LMNB1: variants seen among roughly 807,000 people sequenced by gnomAD.
LMNB1 encodes lamin B1.
Under a neutral mutation model 67.1 loss-of-function variants are expected in LMNB1, and 23 were observed. The ratio of observed to expected loss-of-function variants is 0.34; its 90% CI spans 0.25 to 0.49. LMNB1 has a LOEUF of 0.49. Among genes scored for constraint, LMNB1 ranks in the 20% least tolerant of loss-of-function variants. The pLI, the probability that LMNB1 is intolerant of heterozygous loss-of-function variation, is 0.99. For synonymous variants in LMNB1, 281 were observed against 282.9 expected (o/e 0.99, Z 0.07); for missense variants, 634 against 746.5 (o/e 0.85, Z 1.76).
At chr5:126,834,071 A>C (rs1000561492) in intron 10 of LMNB1, among the ~76,000 whole-genome samples, 20 of 152,228 alleles carry the variant, frequency 1.3e-4, no homozygotes, top group Non-Finnish European at 1.5e-5. Context: ...GGCTGTGTTC[A>C]GCTCAGAGGT....
At chr5:126,831,709 T>C (rs1399786405) in intron 9 of LMNB1, among the ~76,000 whole-genome samples, 5 of 152,226 alleles carry the variant, frequency 3.3e-5, no homozygotes, top group Admixed American at 3.3e-4. Context: ...CACCTTATCT[T>C]TGCCAGGAGC....
chr5:126,806,774 C>T (rs1259475264), intron 3 of LMNB1, among the ~76,000 whole-genome samples: 5 of 145,376 alleles, frequency 3.4e-5, no homozygotes, highest in African/African-American at 9.9e-5. Context: ...CATTTATAGG[C>T]GTGTAAATTT....
intron 3 of LMNB1, among the ~76,000 whole-genome samples, chr5:126,808,851 C>A (rs1436664721): frequency 2.6e-5 from 4 of 151,930 alleles, no homozygotes; most frequent in African/African-American, 9.7e-5. Context: ...CCTCTTGTGG[C>A]TTCTTCAGAT....
In LMNB1 at chr5:126,777,337, G is replaced by T. The variant is rs1048362888; in HGVS notation, c.-172G>T. The stretch of plus-strand genomic sequence containing the variant: ...CCCGCGCGCCTTTGCCCTTTGTGCT[G>T]TAATCGAGCTCCCGCCATCCCAGGT... On this transcript the variant is annotated 5_prime_UTR_variant, in exon 1 of 11. Coordinates refer to ENST00000261366, the MANE Select transcript of LMNB1 (RefSeq NM_005573.4). 49 of 648,304 alleles carry T rather than the reference G, an allele frequency of 7.6e-5. No individual in the cohort carries two copies. The highest frequency in any genetic ancestry group is 1.0e-4 in the Non-Finnish European group (46 of 457,806). 40.2% of individuals were successfully genotyped at this position (648,304 alleles called of 1,614,324 possible). A position where few individuals can be genotyped will look rare whatever the true frequency, so the allele number is the denominator to read the frequency against.
chr5:126,789,571 C>G (rs755885802), intron 1 of LMNB1, among the ~76,000 whole-genome samples: 7 of 152,212 alleles, frequency 4.6e-5, no homozygotes, highest in Non-Finnish European at 1.0e-4. Context: ...AGCTTCATCT[C>G]ATACCACAGT....
intron 1 of LMNB1, among the ~76,000 whole-genome samples, chr5:126,801,278 A>G (rs1188117162): frequency 6.6e-6 from 1 of 152,044 alleles, no homozygotes; most frequent in African/African-American, 2.4e-5. Flanking sequence ...AGAACAATTT[A>G]TATTTTCATA....
intron 4 of LMNB1, 125 bp from the exon 5 acceptor site, chr5:126,811,648 C>T: frequency 1.3e-6 from 1 of 777,590 alleles, no homozygotes; most frequent in African/African-American, 1.7e-5. Flanking sequence ...CTTCATGATG[C>T]TTTTCCTGTG....
At chr5:126,834,363 G>T (rs1004697209) in intron 10 of LMNB1, among the ~76,000 whole-genome samples, 6 of 152,044 alleles carry the variant, frequency 3.9e-5, no homozygotes, top group Non-Finnish European at 5.9e-5. Flanking sequence ...GCGCCACCAC[G>T]CCTGGCTAAT....
chr5:126,824,391 T>C (rs1751941356), intron 8 of LMNB1, among the ~76,000 whole-genome samples: 1 of 152,336 alleles, frequency 6.6e-6, no homozygotes, highest in Non-Finnish European at 1.5e-5. Context: ...TTACATTCTT[T>C]TTTTTTTATG....
At chr5:126,830,276 G>A (rs897948225) in intron 9 of LMNB1, among the ~76,000 whole-genome samples, 2 of 152,190 alleles carry the variant, frequency 1.3e-5, no homozygotes, top group African/African-American at 4.8e-5. Flanking sequence ...ATATGCCCAA[G>A]GCTCGCAGCA....
intron 4 of LMNB1, among the ~76,000 whole-genome samples, chr5:126,811,028 T>C (rs1044575291): frequency 3.9e-5 from 6 of 152,260 alleles, no homozygotes; most frequent in Admixed American, 6.5e-5. Context: ...CACAGAGTTA[T>C]TGAAAATTTT....
Position 126,807,308 on chromosome 5 carries a change from A to G in LMNB1, c.642+1612A>G, listed in dbSNP as rs541645233. Among the ~76,000 whole-genome samples, 12 of 152,342 alleles carry G rather than the reference A, an allele frequency of 7.9e-5. No individual in the cohort carries two copies. The South Asian group carries it at 2.3e-3, about 29-fold the overall frequency. On this transcript the variant is annotated intron_variant, in intron 3 of 10. Coordinates refer to ENST00000261366, the MANE Select transcript of LMNB1 (RefSeq NM_005573.4). ...AATTTTGAAAACAGTGCAAATAGGA[A>G]TTCATTGTAGCAGTTAGCAAACCAG...
intron 1 of LMNB1, among the ~76,000 whole-genome samples, chr5:126,790,579 T>C (rs1750928295): frequency 6.6e-6 from 1 of 152,122 alleles, no homozygotes; most frequent in Non-Finnish European, 1.5e-5. Context: ...CCACTTACTT[T>C]TTTGTATAAT....
intron 4 of LMNB1, 61 bp from the exon 5 acceptor site, chr5:126,811,712 C>T: frequency 2.7e-6 from 4 of 1,506,658 alleles, no homozygotes; most frequent in Non-Finnish European, 2.7e-6. Flanking sequence ...TGAGGTGAAT[C>T]ATGCTTCCTT....
Position 126,787,546 on chromosome 5 carries a change from A to ATATATTTTTTTTTT in LMNB1, c.359+9680_359+9681insATATTTTTTTTTTT. 3.4e-4 allele frequency among the ~76,000 whole-genome samples: 22 copies of ATATATTTTTTTTTT among 65,568 alleles called. 1 individual carries two copies. The highest frequency in any genetic ancestry group is 5.9e-4 in the African/African-American group (9 of 15,250). The allele number at this position is 65,568 out of a possible 152,430, so 43.0% of individuals were successfully genotyped here. A position where few individuals can be genotyped will look rare whatever the true frequency, so the allele number is the denominator to read the frequency against. On this transcript the variant is annotated intron_variant, in intron 1 of 10. Transcript: ENST00000261366. ...GGGGTATATATATATATATATATAT[A>ATATATTTTTTTTTT]TTTTTTTTTTTTTTTTTTGAGATAG...
intron 5 of LMNB1, among the ~76,000 whole-genome samples, chr5:126,814,822 G>T (rs987165399): frequency 6.6e-6 from 1 of 152,184 alleles, no homozygotes; most frequent in Non-Finnish European, 1.5e-5. Context: ...TTACAGGCGT[G>T]AGCTGCTGCC....
intron 10 of LMNB1, among the ~76,000 whole-genome samples, chr5:126,835,973 G>C (rs71587923): frequency 6.6e-6 from 1 of 152,252 alleles, no homozygotes; most frequent in African/African-American, 2.4e-5. Context: ...TTGAACCCAG[G>C]AGGTAGAGGT....
At chr5:126,829,855 G>A (rs897816964) in intron 9 of LMNB1, among the ~76,000 whole-genome samples, 2 of 152,066 alleles carry the variant, frequency 1.3e-5, no homozygotes, top group African/African-American at 4.8e-5. Context: ...TCCATGGGGG[G>A]TGTGTACCCA....
chr5:126,793,961 A>G (rs1490259349), intron 1 of LMNB1, among the ~76,000 whole-genome samples: 1 of 152,052 alleles, frequency 6.6e-6, no homozygotes, highest in Admixed American at 6.6e-5. Context: ...TTGAGATGGA[A>G]TCTCGCTTTG....
Sources: allele counts gnomAD v4.1 joint callset (sites outside exome capture counted in the v4.1 genomes callset), GRCh38; gene constraint gnomAD v4.1.1; transcripts MANE v1.5; gene names NCBI Gene and HGNC (gene_info 2026-07-23, HGNC 2026-07-21).